Variants in TPCN2 observed in about 807,000 individuals in gnomAD.
The protein encoded by TPCN2 is two pore segment channel 2, also known as two pore channel protein 2.
TPCN2 carries 92 observed loss-of-function variants against 111.4 expected under a neutral mutation model. That is an observed-to-expected ratio of 0.83 (90% CI 0.70 to 0.98). TPCN2 has a LOEUF of 0.98. TPCN2 is among the 50% of genes least tolerant of loss of function. The pLI is 0.00. For missense variants in TPCN2, 995 were observed against 980.1 expected (o/e 1.02, Z -0.20); for synonymous variants, 405 against 414.5 (o/e 0.98, Z 0.28).
intron 13 of TPCN2, among the ~76,000 whole-genome samples, chr11:69,075,137 A>C (rs1855699452): frequency 6.6e-6 from 1 of 152,142 alleles, no homozygotes; most frequent in South Asian, 2.1e-4. Context: ...TGCTCTTCCC[A>C]GGGCACCGAG....
intron 17 of TPCN2, among the ~76,000 whole-genome samples, chr11:69,081,121 A>G (rs959573138): frequency 2.0e-5 from 3 of 151,752 alleles, no homozygotes; most frequent in Admixed American, 6.6e-5. Context: ...GTCTGTGTAG[A>G]AGGAGGGCTG....
At chr11:69,085,539 C>T (rs754654987) in intron 20 of TPCN2, 132 bp from the exon 21 acceptor site, 142 of 738,004 alleles carry the variant, frequency 1.9e-4, no homozygotes, top group Non-Finnish European at 2.6e-4. Context: ...CTTTCCCTGC[C>T]CTCTGAGCCT....
At chr11:69,077,174 C>T (rs1255349333) in intron 13 of TPCN2, among the ~76,000 whole-genome samples, 394 of 25,104 alleles carry the variant, frequency 0.016, no homozygotes, top group East Asian at 0.03. Flanking sequence ...TGCCCTCCTG[C>T]CGTGTCCCTT....
chr11:69,079,971 G>C, intron 17 of TPCN2, 88 bp downstream of exon 17: 1 of 1,283,328 alleles, frequency 7.8e-7, no homozygotes, highest in Non-Finnish European at 1.1e-6. Flanking sequence ...TGTCCAGGGG[G>C]CTGGGTCTGC....
At chr11:69,072,239 C>G (rs1328546395) in intron 11 of TPCN2, among the ~76,000 whole-genome samples, 2 of 152,208 alleles carry the variant, frequency 1.3e-5, no homozygotes, top group East Asian at 3.9e-4. Flanking sequence ...CCCCGGGGAC[C>G]CTGGGCTGGT....
intron 4 of TPCN2, among the ~76,000 whole-genome samples, 191 bp downstream of exon 4, chr11:69,055,543 C>T (rs1480158345): frequency 2.0e-5 from 3 of 152,228 alleles, no homozygotes; most frequent in Non-Finnish European, 2.9e-5. Flanking sequence ...GCTCTCCTCC[C>T]TCTCCACCAT....
At chr11:69,059,112 C>A (rs1355110852) in intron 5 of TPCN2, among the ~76,000 whole-genome samples, 1 of 152,252 alleles carries the variant, frequency 6.6e-6, no homozygotes, top group Non-Finnish European at 1.5e-5. Context: ...GGTTTTTCAC[C>A]TGGCACAGGG....
At chr11:69,074,106 C>T (rs917306760) in intron 13 of TPCN2, among the ~76,000 whole-genome samples, 2 of 152,226 alleles carry the variant, frequency 1.3e-5, no homozygotes, top group African/African-American at 4.8e-5. Context: ...AAATTCAACC[C>T]ATAGCAACTG....
chr11:69,073,270 ACT>A (rs2134594073), intron 13 of TPCN2, among the ~76,000 whole-genome samples: 1 of 152,110 alleles, frequency 6.6e-6, no homozygotes, highest in Admixed American at 6.5e-5. Flanking sequence ...TCCATGACAG[ACT>A]CTCCTTTTCC....
chr11:69,069,213 G>A (rs373336143), intron 8 of TPCN2, among the ~76,000 whole-genome samples: 2 of 127,076 alleles, frequency 1.6e-5, no homozygotes, highest in Non-Finnish European at 3.4e-5. Flanking sequence ...GAGCAGGACC[G>A]TCTGAGTCCT....
intron 12 of TPCN2, 41 bp from the exon 13 acceptor site, chr11:69,072,874 T>C (rs1370368316): frequency 6.4e-7 from 1 of 1,560,736 alleles, no homozygotes; most frequent in Admixed American, 1.7e-5. Flanking sequence ...GGCGCTCACC[T>C]TCCCGTGCGC....
intron 4 of TPCN2, 131 bp from the exon 5 acceptor site, chr11:69,057,447 G>A (rs1219540839): frequency 1.3e-5 from 11 of 847,512 alleles, no homozygotes; most frequent in East Asian, 5.0e-5. Flanking sequence ...TCTGCGTCCC[G>A]TGGGGACCAC....
At position 69,088,808 on chromosome 11, in the gene TPCN2, T is replaced by G. The variant is rs1856368047; in HGVS notation, c.*855T>G. On this transcript the variant is annotated 3_prime_UTR_variant, in exon 25 of 25. Coordinates refer to ENST00000294309, the MANE Select transcript of TPCN2 (RefSeq NM_139075.4). ...TCACCTGAAGCACGCCAGGTCCAGA[T>G]TGACCAATGGTTTTCTCACTTCAGG... The G allele has an allele frequency of 6.6e-6, 1 of 152,158 alleles. No individual in the cohort carries two copies. 9.4% of individuals were successfully genotyped at this position (152,158 alleles called of 1,614,324 possible). A position where few individuals can be genotyped will look rare whatever the true frequency, so the allele number is the denominator to read the frequency against.
At chr11:69,052,668 C>T (rs978353646) in intron 1 of TPCN2, among the ~76,000 whole-genome samples, 1 of 152,190 alleles carries the variant, frequency 6.6e-6, no homozygotes, top group African/African-American at 2.4e-5. Context: ...CAGGGCCCAG[C>T]TGCCTATACC....
At chr11:69,067,439 C>T (rs1005161770) in intron 7 of TPCN2, 64 bp from the exon 8 acceptor site, 9 of 1,467,984 alleles carry the variant, frequency 6.1e-6, no homozygotes, top group Middle Eastern at 1.8e-4. Context: ...GGGTCCGGGG[C>T]CTGGAGCTCA....
At chr11:69,077,431 C>T (rs1011472651) in intron 13 of TPCN2, among the ~76,000 whole-genome samples, 2 of 152,190 alleles carry the variant, frequency 1.3e-5, no homozygotes, top group Admixed American at 6.5e-5. Flanking sequence ...CCTCAACTCC[C>T]GTTCACTGTG....
rs1854679296 is a variant in TPCN2, at chr11:69,054,779, A to G, written c.233A>G (p.Tyr78Cys). 1 of 1,613,910 alleles carries G rather than the reference A, an allele frequency of 6.2e-7. No homozygotes were observed. Among genetic ancestry groups the G allele is most frequent in the South Asian group, 1.1e-5 (1 of 91,072 alleles). ...TCGATGTGGCTTTACCGACGGTATT[A>G]CTCGAACGTATGCCAACGGTGAGAA... ...ASSMWLYRRY[Y>C]SNVCQRTLSF... The change falls in exon 3 of 25, where the codon TAC becomes TGC. Residue 78 changes from tyrosine to cysteine, a missense_variant. Transcript: ENST00000294309.
chr11:69,060,280 G>T (rs1332961430), intron 5 of TPCN2, among the ~76,000 whole-genome samples: 1 of 152,230 alleles, frequency 6.6e-6, no homozygotes, highest in Non-Finnish European at 1.5e-5. Context: ...TCTTGATGGA[G>T]GCTGAAATGT....
chr11:69,063,635 C>G (rs1001500819), intron 6 of TPCN2, among the ~76,000 whole-genome samples: 8 of 152,212 alleles, frequency 5.3e-5, no homozygotes, highest in African/African-American at 1.4e-4. Context: ...TCCTTGGATG[C>G]TGTCTCAGCT....
Sources: allele counts gnomAD v4.1 joint callset (sites outside exome capture counted in the v4.1 genomes callset), GRCh38; gene constraint gnomAD v4.1.1; transcripts MANE v1.5; gene names NCBI Gene and HGNC (gene_info 2026-07-23, HGNC 2026-07-21).